The following CIB1 variants were observed in gnomAD, a reference collection of about 807,000 sequenced individuals.
The protein encoded by CIB1 is calcium and integrin-binding protein 1.
Under a neutral mutation model 25.0 loss-of-function variants are expected in CIB1, and 19 were observed. The observed-to-expected ratio is 0.76, with a 90% CI of 0.53 to 1.12. The LOEUF (loss-of-function observed/expected upper bound fraction) is 1.12, where lower values mean the gene tolerates loss of function less well. Among genes scored for constraint, CIB1 ranks in the 50% most tolerant of loss-of-function variants. CIB1 has a pLI of 0.00. For synonymous variants in CIB1, 104 were observed against 98.5 expected (o/e 1.06, Z -0.33); for missense variants, 236 against 242.6 (o/e 0.97, Z 0.18).
the CIB1 span, chr15:90,264,888 C>T: frequency 6.5e-7 from 1 of 1,536,000 alleles, no homozygotes; most frequent in Admixed American, 2.0e-5. Flanking sequence ...CACAGAGCAG[C>T]CAAGGTTCCC....
At chr15:90,255,366 T>G in the CIB1 span, among the ~76,000 whole-genome samples, 2 of 152,310 alleles carry the variant, frequency 1.3e-5, no homozygotes, top group South Asian at 4.1e-4. Context: ...TCCTTTTATC[T>G]TTTGTGTCTT....
chr15:90,262,386 T>A, the CIB1 span: 1 of 1,280,242 alleles, frequency 7.8e-7, no homozygotes, highest in Non-Finnish European at 1.0e-6. Flanking sequence ...GCATCAGTCC[T>A]AAGAACAGAT....
Position 90,230,854 on chromosome 15 carries a change from T to A in CIB1, c.554+80A>T. 12 of 1,237,860 alleles carry A rather than the reference T, an allele frequency of 9.7e-6. No homozygotes were observed. The South Asian group carries it at 1.3e-4, about 14-fold the overall frequency. 76.7% of individuals were successfully genotyped at this position (1,237,860 alleles called of 1,614,324 possible). A position where few individuals can be genotyped will look rare whatever the true frequency, so the allele number is the denominator to read the frequency against. On this transcript the variant is annotated intron_variant, in intron 6 of 6. Transcript: ENST00000328649. The stretch of plus-strand genomic sequence containing the variant: ...GGCTTTCTCTCACCCTGGCACCACC[T>A]CCTGTAGCCATGCCCTAGGCCCAGA...
chr15:90,257,828 C>A, the CIB1 span: 1 of 1,180,208 alleles, frequency 8.5e-7, no homozygotes, highest in Non-Finnish European at 1.2e-6. Context: ...CCCAGGGAAA[C>A]TCAGCCTTTA....
At chr15:90,256,581 C>CTTTCTTTCT in the CIB1 span, among the ~76,000 whole-genome samples, 1 of 35,660 alleles carries the variant, frequency 2.8e-5, no homozygotes, top group Non-Finnish European at 5.4e-5. Flanking sequence ...TTCTTTCTTT[C>CTTTCTTTCT]TTTCTTTCTT....
upstream of CIB1, among the ~76,000 whole-genome samples, chr15:90,237,517 C>G (rs1487805543): frequency 6.6e-6 from 1 of 152,104 alleles, no homozygotes; most frequent in Non-Finnish European, 1.5e-5. Context: ...GTATCTTGAC[C>G]TCGTGATTCA....
At chr15:90,241,019 G>A in the CIB1 span, 27 of 1,613,926 alleles carry the variant, frequency 1.7e-5, no homozygotes, top group Non-Finnish European at 2.2e-5. Context: ...AGGATCTCAT[G>A]GCAGAAGGGA....
the CIB1 span, chr15:90,263,695 C>G: frequency 1.6e-6 from 1 of 627,890 alleles, no homozygotes; most frequent in African/African-American, 1.8e-5. Flanking sequence ...ACGCTCCATC[C>G]AAACTTACAT....
the CIB1 span, among the ~76,000 whole-genome samples, chr15:90,247,298 CTTTTTTT>C: frequency 1.2e-3 from 157 of 134,302 alleles, 3 homozygotes; most frequent in South Asian, 0.011. Context: ...TTTCTTTTTT[CTTTTTTT>C]TTTTTTTTTA....
At chr15:90,254,346 AAC>A in the CIB1 span, among the ~76,000 whole-genome samples, 715 of 151,776 alleles carry the variant, frequency 4.7e-3, 2 homozygotes, top group African/African-American at 0.016. Flanking sequence ...TACAAAAATT[AAC>A]CAGGCATGGT....
the CIB1 span, among the ~76,000 whole-genome samples, chr15:90,253,597 T>A: frequency 1.9e-3 from 293 of 152,310 alleles, 2 homozygotes; most frequent in Non-Finnish European, 3.7e-3. Context: ...TATCTCATGA[T>A]TTGCACTTTG....
Position 90,230,373 on chromosome 15 carries a change from T to C in CIB1, c.*111A>G, listed in dbSNP as rs761660913. The C allele has an allele frequency of 3.8e-6, 5 of 1,323,106 alleles. No homozygotes were observed. The highest frequency in any genetic ancestry group is 5.3e-6 in the Non-Finnish European group (5 of 948,326). The allele number at this position is 1,323,106 out of a possible 1,614,324, so 82.0% of individuals were successfully genotyped here. On this transcript the variant is annotated 3_prime_UTR_variant, in exon 7 of 7. Coordinates refer to ENST00000328649, the MANE Select transcript of CIB1 (RefSeq NM_006384.4). ...CGGGGTGAGGCTGCACAGCGCCAGC[T>C]CCAGGCTGGGCCAGCTTGGCCCGCA...
At chr15:90,253,917 G>C in the CIB1 span, among the ~76,000 whole-genome samples, 4 of 152,248 alleles carry the variant, frequency 2.6e-5, no homozygotes, top group African/African-American at 9.6e-5. Flanking sequence ...TTATTCTTTG[G>C]GGAAGCCAGG....
Position 90,230,922 on chromosome 15 carries a change from C to T in CIB1, c.554+12G>A. The T allele has an allele frequency of 1.2e-6, 2 of 1,610,326 alleles. No individual in the cohort carries two copies. Among genetic ancestry groups the T allele is most frequent in the Non-Finnish European group, 1.7e-6 (2 of 1,176,712 alleles). Reference sequence around the variant, plus strand: ...TGCAGGTACCCAGAATGAAGGGGGACCACTGTCATACCTGGCAAAGTCTGG... The same window carrying T: ...TGCAGGTACCCAGAATGAAGGGGGATCACTGTCATACCTGGCAAAGTCTGG... On this transcript the variant is annotated intron_variant, in intron 6 of 6. Transcript: ENST00000328649.
At chr15:90,247,305 T>C in the CIB1 span, among the ~76,000 whole-genome samples, 8 of 149,672 alleles carry the variant, frequency 5.3e-5, no homozygotes, top group East Asian at 9.6e-4. Context: ...TTTCTTTTTT[T>C]TTTTTTTTTA....
At chr15:90,261,494 A>G in the CIB1 span, among the ~76,000 whole-genome samples, 8 of 151,674 alleles carry the variant, frequency 5.3e-5, no homozygotes, top group Admixed American at 2.6e-4. Flanking sequence ...ACCCCTCTCC[A>G]CTTAAGATGA....
the CIB1 span, chr15:90,253,223 C>A: frequency 6.3e-7 from 1 of 1,588,200 alleles, no homozygotes; most frequent in Non-Finnish European, 8.6e-7. Context: ...TCCATGCTGG[C>A]ACTACTGATC....
chr15:90,263,951 A>G, the CIB1 span: 3 of 1,534,894 alleles, frequency 2.0e-6, no homozygotes, highest in Non-Finnish European at 2.6e-6. Flanking sequence ...CTGCAGCCCA[A>G]GAACTTCAAC....
the CIB1 span, chr15:90,257,057 A>G: frequency 7.8e-7 from 1 of 1,287,182 alleles, no homozygotes; most frequent in Admixed American, 2.3e-5. Context: ...TCAATTAGCT[A>G]TGTGTGTGAA....
Sources: allele counts gnomAD v4.1 joint callset (sites outside exome capture counted in the v4.1 genomes callset), GRCh38; gene constraint gnomAD v4.1.1; transcripts MANE v1.5; gene names NCBI Gene and HGNC (gene_info 2026-07-23, HGNC 2026-07-21).